Variants in GNG2 observed in about 807,000 individuals in gnomAD.
The protein encoded by GNG2 is guanine nucleotide-binding protein G(I)/G(S)/G(O) subunit gamma-2.
Under a neutral mutation model 5.5 loss-of-function variants are expected in GNG2, and 5 were observed. That is an observed-to-expected ratio of 0.91 (90% confidence interval 0.48 to 1.92). The LOEUF is 1.92. Among genes scored for constraint, GNG2 ranks in the 30% most tolerant of loss-of-function variants. GNG2 has a pLI of 0.01. For missense variants in GNG2, 55 were observed against 88.4 expected (o/e 0.62, Z 1.52); for synonymous variants, 28 against 32.0 (o/e 0.88, Z 0.42).
At chr14:51,906,396 C>T (rs189093944) in intron 2 of GNG2, among the ~76,000 whole-genome samples, 2 of 152,272 alleles carry the variant, frequency 1.3e-5, no homozygotes, top group Non-Finnish European at 2.9e-5. Flanking sequence ...ATTCCTGAAG[C>T]ATGATTTGGT....
rs189503198 is a variant in GNG2, at chr14:51,831,733, T to C, written c.64+3926T>C. 1.8e-3 allele frequency among the ~76,000 whole-genome samples: 279 copies of C among 152,278 alleles called. 3 individuals carry two copies. The highest frequency in any genetic ancestry group is 2.0e-3 in the Non-Finnish European group (133 of 68,014). On this transcript the variant is annotated intron_variant, in intron 2 of 3. Coordinates refer to the GNG2 transcript ENST00000553432. Reference sequence around the variant, plus strand: ...ATCACTAGAGAAGCTCTACTATAACTGAATTACTTCATGACCAATGCCAGC... The same window carrying C: ...ATCACTAGAGAAGCTCTACTATAACCGAATTACTTCATGACCAATGCCAGC...
At chr14:51,854,570 T>C (rs1882062098) in intron 2 of GNG2, among the ~76,000 whole-genome samples, 1 of 152,044 alleles carries the variant, frequency 6.6e-6, no homozygotes, top group Non-Finnish European at 1.5e-5. Flanking sequence ...AGTGCAGTGG[T>C]GCTATCTTGG....
Position 51,969,053 on chromosome 14 carries a change from G to C in GNG2, c.*2366G>C, listed in dbSNP as rs1169749828. The C allele has an allele frequency of 6.6e-6, 1 of 151,994 alleles. No individual in the cohort carries two copies. Among genetic ancestry groups the C allele is most frequent in the East Asian group, 1.9e-4 (1 of 5,192 alleles). The allele number at this position is 151,994 out of a possible 1,614,324, so 9.4% of individuals were successfully genotyped here. A position where few individuals can be genotyped will look rare whatever the true frequency, so the allele number is the denominator to read the frequency against. On this transcript the variant is annotated 3_prime_UTR_variant, in exon 4 of 4. Coordinates refer to ENST00000556766, the MANE Select transcript of GNG2 (RefSeq NM_053064.5). The stretch of plus-strand genomic sequence containing the variant: ...TTCTTGGTATTTGTACTTATTCAGG[G>C]GAAAAAGTCTTTCGATTACTTATGC...
chr14:51,958,823 T>A (rs1472713127), intron 3 of GNG2, among the ~76,000 whole-genome samples: 2 of 152,096 alleles, frequency 1.3e-5, no homozygotes, highest in African/African-American at 4.8e-5. Context: ...ACCTAATCAT[T>A]TTAAGATTGA....
chr14:51,937,339 G>A (rs148400871), intron 2 of GNG2, among the ~76,000 whole-genome samples: 38 of 152,250 alleles, frequency 2.5e-4, no homozygotes, highest in African/African-American at 8.9e-4. Flanking sequence ...GAGCAGGATG[G>A]TAAATCTTGC....
intron 2 of GNG2, among the ~76,000 whole-genome samples, chr14:51,887,968 C>T (rs1388250318): frequency 6.6e-6 from 1 of 152,056 alleles, no homozygotes; most frequent in Non-Finnish European, 1.5e-5. Context: ...TGCCTATGCT[C>T]CTTTAAAAAA....
intron 2 of GNG2, among the ~76,000 whole-genome samples, chr14:51,921,533 A>G (rs1234264502): frequency 6.6e-6 from 1 of 152,220 alleles, no homozygotes; most frequent in Non-Finnish European, 1.5e-5. Flanking sequence ...TTGTTGGAAG[A>G]AGGCCCAAAC....
At chr14:51,964,741 G>A (rs986959048) in intron 3 of GNG2, among the ~76,000 whole-genome samples, 6 of 152,226 alleles carry the variant, frequency 3.9e-5, no homozygotes, top group African/African-American at 1.4e-4. Context: ...GCCAGGCACA[G>A]TGACTTACAC....
intron 2 of GNG2, among the ~76,000 whole-genome samples, chr14:51,934,708 G>T (rs1165249114): frequency 4.6e-5 from 7 of 152,058 alleles, no homozygotes; most frequent in African/African-American, 1.7e-4. Flanking sequence ...CAGACCTCGG[G>T]GTGCCGGTCA....
chr14:51,854,961 A>T (rs1882086207), intron 2 of GNG2, among the ~76,000 whole-genome samples: 1 of 151,924 alleles, frequency 6.6e-6, no homozygotes, highest in South Asian at 2.1e-4. Context: ...GCCTTCTTCA[A>T]TCTCCATCTA....
intron 2 of GNG2, among the ~76,000 whole-genome samples, chr14:51,836,725 A>T (rs1333263554): frequency 6.6e-6 from 1 of 152,120 alleles, no homozygotes; most frequent in South Asian, 2.1e-4. Context: ...AAAAAAAATC[A>T]TAAGGCAAAT....
Position 51,830,618 on chromosome 14 carries a change from C to G in GNG2, c.64+2811C>G, listed in dbSNP as rs556575203. On this transcript the variant is annotated intron_variant, in intron 2 of 3. Coordinates refer to the GNG2 transcript ENST00000553432. ...CATGTCTTCTTTTCACTTGCAGACT[C>G]TACATTGAATCCATAGCAAACTTTG... is the stretch of plus-strand genomic sequence containing the variant. Among the ~76,000 whole-genome samples, 6 of 152,326 alleles carry G rather than the reference C, an allele frequency of 3.9e-5. No homozygotes were observed. The East Asian group carries it at 1.2e-3, about 29-fold the overall frequency.
At chr14:51,854,661 C>T (rs903933908) in intron 2 of GNG2, among the ~76,000 whole-genome samples, 12 of 151,994 alleles carry the variant, frequency 7.9e-5, no homozygotes, top group South Asian at 2.1e-4. Context: ...TACAGGTACC[C>T]GCCACCACGC....
chr14:51,873,488 C>G (rs1300453430), intron 1 of GNG2, among the ~76,000 whole-genome samples: 1 of 152,246 alleles, frequency 6.6e-6, no homozygotes, highest in Non-Finnish European at 1.5e-5. Context: ...AATGCACTGG[C>G]ACAGTCATTC....
chr14:51,894,885 T>C (rs1203689619), intron 2 of GNG2, among the ~76,000 whole-genome samples: 1 of 152,132 alleles, frequency 6.6e-6, no homozygotes, highest in Non-Finnish European at 1.5e-5. Context: ...ATAGATAGCC[T>C]TCTTCATAGT....
intron 1 of GNG2, among the ~76,000 whole-genome samples, chr14:51,875,814 A>T (rs1182816980): frequency 6.6e-6 from 1 of 151,270 alleles, no homozygotes; most frequent in Non-Finnish European, 1.5e-5. Flanking sequence ...TGCATTTTAC[A>T]TTCTTTTTAC....
In GNG2 at chr14:51,895,044, G is replaced by GAA. The variant is rs11428089; in HGVS notation, c.-30+17396_-30+17397dup. On this transcript the variant is annotated intron_variant, in intron 2 of 3. Coordinates refer to ENST00000556766, the MANE Select transcript of GNG2 (RefSeq NM_053064.5). ...AAATAACAAAACTATAAAAGAATAG[G>GAA]AAAAAAAAAACAATGAACTTTAAAA... is the stretch of plus-strand genomic sequence containing the variant. Among the ~76,000 whole-genome samples, 1,227 of 148,458 alleles carry GAA rather than the reference G, an allele frequency of 8.3e-3. 9 individuals are homozygous for GAA. The highest frequency in any genetic ancestry group is 0.011 in the Non-Finnish European group (719 of 67,148).
At chr14:51,938,790 A>C (rs1888155935) in intron 2 of GNG2, among the ~76,000 whole-genome samples, 1 of 152,198 alleles carries the variant, frequency 6.6e-6, no homozygotes, top group Non-Finnish European at 1.5e-5. Context: ...ATGATTTTGG[A>C]AGCCTAAGAG....
At chr14:51,863,739 A>T (rs1319275608) in intron 1 of GNG2, among the ~76,000 whole-genome samples, 2 of 152,160 alleles carry the variant, frequency 1.3e-5, no homozygotes, top group Non-Finnish European at 2.9e-5. Flanking sequence ...GTCTCTATGA[A>T]TGTGACCAAG....
Sources: allele counts gnomAD v4.1 joint callset (sites outside exome capture counted in the v4.1 genomes callset), GRCh38; gene constraint gnomAD v4.1.1; transcripts MANE v1.5; gene names NCBI Gene and HGNC (gene_info 2026-07-23, HGNC 2026-07-21).